ERBB4: variants seen among roughly 807,000 people sequenced by gnomAD.
ERBB4 encodes receptor tyrosine-protein kinase erbB-4.
In ERBB4, 42 loss-of-function variants were observed where a neutral mutation model predicts 158.0. The ratio of observed to expected loss-of-function variants is 0.27; its 90% CI spans 0.21 to 0.34. The LOEUF (loss-of-function observed/expected upper bound fraction) is 0.34. ERBB4 is among the 10% of genes least tolerant of loss of function. The probability of loss-of-function intolerance (pLI) is 1.00; values close to 1 mark genes in which losing one functional copy is unlikely to be tolerated. For missense variants in ERBB4, 1,333 were observed against 1,624.1 expected, an observed-to-expected ratio of 0.82 and a Z score of 3.08; for synonymous variants, 583 against 558.7, an observed-to-expected ratio of 1.04 and a Z score of -0.61.
chr2:212,003,581 T>C (rs1186084675), intron 2 of ERBB4, among the ~76,000 whole-genome samples: 1 of 152,098 alleles, frequency 6.6e-6, no homozygotes, highest in Non-Finnish European at 1.5e-5. Context: ...GGCTACACCC[T>C]TTACAATCCC....
intron 2 of ERBB4, among the ~76,000 whole-genome samples, chr2:212,060,829 A>T (rs1473818695): frequency 6.7e-6 from 1 of 150,344 alleles, no homozygotes; most frequent in Non-Finnish European, 1.5e-5. Context: ...GAGATGGGGG[A>T]GGGATACCAT....
chr2:211,490,056 G>C (rs1559220599), intron 20 of ERBB4, among the ~76,000 whole-genome samples: 1 of 152,056 alleles, frequency 6.6e-6, no homozygotes, highest in East Asian at 1.9e-4. Flanking sequence ...CCTCCTATGT[G>C]AATGGGATTA....
At chr2:212,133,974 C>T (rs531563944) in intron 1 of ERBB4, among the ~76,000 whole-genome samples, 69 of 152,224 alleles carry the variant, frequency 4.5e-4, no homozygotes, top group Middle Eastern at 6.8e-3. Flanking sequence ...CTTCATAAAT[C>T]CAGCTTAACT....
At chr2:212,255,038 A>G (rs1034844870) in intron 1 of ERBB4, among the ~76,000 whole-genome samples, 1 of 152,188 alleles carries the variant, frequency 6.6e-6, no homozygotes, top group Non-Finnish European at 1.5e-5. Flanking sequence ...ACACATGTGC[A>G]AACACATCTA....
chr2:212,185,361 C>T (rs2081987680), intron 1 of ERBB4, among the ~76,000 whole-genome samples: 2 of 150,264 alleles, frequency 1.3e-5, no homozygotes. Context: ...CTTGGTAGAC[C>T]TCAGAAAAAG....
chr2:212,079,591 CTT>C (rs1242371417), intron 2 of ERBB4, among the ~76,000 whole-genome samples: 3 of 151,916 alleles, frequency 2.0e-5, no homozygotes, highest in African/African-American at 7.3e-5. Flanking sequence ...ATTTCAATAA[CTT>C]AATATAAGGA....
intron 1 of ERBB4, among the ~76,000 whole-genome samples, chr2:212,212,703 C>A (rs2082975175): frequency 6.6e-6 from 1 of 152,072 alleles, no homozygotes; most frequent in Admixed American, 6.6e-5. Context: ...CAGAATGGTA[C>A]TAGTAACAAA....
At chr2:211,691,424 T>C (rs1478768191) in intron 12 of ERBB4, among the ~76,000 whole-genome samples, 1 of 152,148 alleles carries the variant, frequency 6.6e-6, no homozygotes, top group Non-Finnish European at 1.5e-5. Flanking sequence ...AAAATATTTA[T>C]TGAGAAACTA....
chr2:212,179,342 C>CT (rs3038239), intron 1 of ERBB4, among the ~76,000 whole-genome samples: 112,174 of 145,914 alleles, frequency 0.77, 43,204 homozygotes, highest in South Asian at 0.88. Flanking sequence ...ACATTGAGAG[C>CT]TTTTTTTTTT....
chr2:211,448,661 A>C (rs981380166), intron 20 of ERBB4, among the ~76,000 whole-genome samples: 1 of 152,216 alleles, frequency 6.6e-6, no homozygotes, highest in Non-Finnish European at 1.5e-5. Context: ...TAGAATTCTT[A>C]GTACAGCTAC....
At chr2:212,010,337 T>A (rs1418375104) in intron 2 of ERBB4, among the ~76,000 whole-genome samples, 1 of 152,202 alleles carries the variant, frequency 6.6e-6, no homozygotes, top group African/African-American at 2.4e-5. Context: ...CAGGTGTGTA[T>A]ATTTGCAGGA....
intron 2 of ERBB4, among the ~76,000 whole-genome samples, chr2:212,026,173 T>A (rs2076768114): frequency 6.6e-6 from 1 of 151,620 alleles, no homozygotes; most frequent in South Asian, 2.1e-4. Flanking sequence ...AAAAGAGACC[T>A]TTAAAAATAG....
intron 20 of ERBB4, among the ~76,000 whole-genome samples, chr2:211,453,868 A>AG (rs1232712607): frequency 6.6e-6 from 1 of 152,226 alleles, no homozygotes. Flanking sequence ...GCACTGCTTC[A>AG]GAAACCTGTC....
intron 20 of ERBB4, among the ~76,000 whole-genome samples, chr2:211,436,697 G>T (rs567265347): frequency 6.5e-4 from 99 of 152,192 alleles, no homozygotes; most frequent in African/African-American, 2.4e-3. Flanking sequence ...ATCACAATGG[G>T]TGTTTAATAA....
intron 1 of ERBB4, among the ~76,000 whole-genome samples, chr2:212,483,146 C>T (rs1405550922): frequency 1.3e-5 from 2 of 152,230 alleles, no homozygotes; most frequent in Non-Finnish European, 2.9e-5. Context: ...ACCCACTCAA[C>T]TCTCAAAGCA....
chr2:211,858,117 T>C (rs1415314538), intron 3 of ERBB4, among the ~76,000 whole-genome samples: 1 of 152,054 alleles, frequency 6.6e-6, no homozygotes, highest in Non-Finnish European at 1.5e-5. Context: ...CTTAGGGAAA[T>C]AAGACTGAAG....
At chr2:211,700,633 C>T (rs13021712) in intron 12 of ERBB4, among the ~76,000 whole-genome samples, 45,889 of 151,970 alleles carry the variant, frequency 0.3, 7,116 homozygotes, top group Non-Finnish European at 0.32. Flanking sequence ...AATTAATTCA[C>T]TGACAACTCA....
chr2:211,566,167 T>A (rs1489107597), intron 19 of ERBB4, among the ~76,000 whole-genome samples: 7 of 152,076 alleles, frequency 4.6e-5, no homozygotes, highest in Non-Finnish European at 1.0e-4. Context: ...AGAAGAGAAT[T>A]CAACATAGGG....
chr2:211,941,092 G>C (rs2080481448), intron 3 of ERBB4, among the ~76,000 whole-genome samples: 1 of 152,044 alleles, frequency 6.6e-6, no homozygotes, highest in South Asian at 2.1e-4. Flanking sequence ...ACACTGATGA[G>C]AGTATCATTT....
Sources: allele counts gnomAD v4.1 joint callset (sites outside exome capture counted in the v4.1 genomes callset), GRCh38; gene constraint gnomAD v4.1.1; transcripts MANE v1.5; gene names NCBI Gene and HGNC (gene_info 2026-07-23, HGNC 2026-07-21).